The following TBC1D14 variants were observed in gnomAD, a reference collection of about 807,000 sequenced individuals.
The protein encoded by TBC1D14 is TBC1 domain family member 14, also known as TBC1 domain family, member 14.
A neutral mutation model predicts 79.0 loss-of-function variants in TBC1D14; 26 were observed. The ratio of observed to expected loss-of-function variants is 0.33; its 90% CI spans 0.24 to 0.46. The LOEUF (loss-of-function observed/expected upper bound fraction) is 0.46. TBC1D14 is among the 20% of genes least tolerant of loss of function. The pLI is 1.00. For missense variants in TBC1D14, 769 were observed against 887.6 expected (o/e 0.87, Z 1.70); for synonymous variants, 394 against 349.9 (o/e 1.13, Z -1.40).
At chr4:6,996,536 A>G (rs1052631523) in intron 5 of TBC1D14, 129 bp downstream of exon 5, 15 of 126,126 alleles carry the variant, frequency 1.2e-4, no homozygotes, top group Admixed American at 2.8e-4. Context: ...GTCTTCCAGT[A>G]AAAAAAAAAA....
At chr4:6,980,373 G>A (rs1259089876) in intron 3 of TBC1D14, among the ~76,000 whole-genome samples, 3 of 152,190 alleles carry the variant, frequency 2.0e-5, no homozygotes, top group Admixed American at 6.5e-5. Flanking sequence ...ACCAAAATTT[G>A]TAGGTTGCAG....
intron 3 of TBC1D14, among the ~76,000 whole-genome samples, chr4:6,987,916 G>A (rs920943551): frequency 1.5e-4 from 23 of 152,208 alleles, no homozygotes; most frequent in African/African-American, 5.3e-4. Context: ...ACTCCTGAGA[G>A]TGCTTCCCAG....
intron 4 of TBC1D14, 112 bp downstream of exon 4, chr4:6,994,414 C>A: frequency 1.1e-6 from 1 of 895,372 alleles, no homozygotes; most frequent in Non-Finnish European, 1.8e-6. Context: ...GAAGAGTAAG[C>A]CAGAATCACT....
At chr4:7,021,242 C>G (rs867305949) in intron 12 of TBC1D14, among the ~76,000 whole-genome samples, 5 of 152,224 alleles carry the variant, frequency 3.3e-5, no homozygotes, top group Admixed American at 3.3e-4. Flanking sequence ...AACAGATACG[C>G]AGCTTTTGTC....
chr4:6,919,572 C>T (rs1385806496), intron 1 of TBC1D14, among the ~76,000 whole-genome samples: 1 of 152,058 alleles, frequency 6.6e-6, no homozygotes, highest in Non-Finnish European at 1.5e-5. Context: ...AATAATCCTC[C>T]TTTACTCACT....
intron 13 of TBC1D14, 104 bp downstream of exon 13, chr4:7,025,366 A>G (rs1577193283): frequency 6.6e-7 from 1 of 1,522,296 alleles, no homozygotes; most frequent in African/African-American, 1.4e-5. Flanking sequence ...AGCCCCTTTG[A>G]TGGAGTCCCT....
At chr4:7,025,868 T>C (rs979695378) in intron 13 of TBC1D14, among the ~76,000 whole-genome samples, 1 of 152,138 alleles carries the variant, frequency 6.6e-6, no homozygotes, top group Non-Finnish European at 1.5e-5. Flanking sequence ...CTGTCCCCAG[T>C]GGGATTGACC....
chr4:6,964,396 G>T (rs890323746), intron 2 of TBC1D14, among the ~76,000 whole-genome samples: 2 of 152,178 alleles, frequency 1.3e-5, no homozygotes, highest in African/African-American at 4.8e-5. Flanking sequence ...GCCTGTCCCG[G>T]ATCCTGGTGC....
At chr4:6,967,057 C>T (rs2109047709) in intron 2 of TBC1D14, among the ~76,000 whole-genome samples, 1 of 152,298 alleles carries the variant, frequency 6.6e-6, no homozygotes, top group South Asian at 2.1e-4. Flanking sequence ...GATCTGCCCA[C>T]CTCGGCCTCC....
chr4:6,968,040 C>T (rs1424008686), intron 3 of TBC1D14, among the ~76,000 whole-genome samples: 2 of 152,230 alleles, frequency 1.3e-5, no homozygotes, highest in African/African-American at 2.4e-5. Context: ...GTAGCTGTGA[C>T]CGTCGCTGCC....
chr4:7,014,661 TC>T lies in TBC1D14; in HGVS notation c.1757+106del, dbSNP rs1489252980. The T allele has an allele frequency of 3.9e-6, 3 of 768,698 alleles. No homozygotes were observed. The South Asian group carries it at 4.6e-5, about 12-fold the overall frequency. The allele number at this position is 768,698 out of a possible 1,614,324, so 47.6% of individuals were successfully genotyped here. A position where few individuals can be genotyped will look rare whatever the true frequency, so the allele number is the denominator to read the frequency against. ...TTCATGGCCCGGCTGAGTCCTCATA[TC>T]CTGCTTTCCAGCCTTCCCTGATGGC... is the stretch of plus-strand genomic sequence containing the variant. On this transcript the variant is annotated intron_variant, in intron 12 of 13. Transcript: ENST00000409757.
At chr4:6,991,028 G>T (rs772218129) in intron 3 of TBC1D14, among the ~76,000 whole-genome samples, 2 of 152,206 alleles carry the variant, frequency 1.3e-5, no homozygotes, top group Non-Finnish European at 2.9e-5. Context: ...GGAGAACCGG[G>T]TCTAGAGCAG....
chr4:6,989,842 CCCA>C (rs1718307828), intron 3 of TBC1D14, among the ~76,000 whole-genome samples: 1 of 152,138 alleles, frequency 6.6e-6, no homozygotes. Context: ...CAGACCACAC[CCCA>C]CAAGTTGGCT....
chr4:7,023,804 G>A lies in TBC1D14; in HGVS notation c.1758-1200G>A, dbSNP rs1462409939. Among the ~76,000 whole-genome samples, 12 of 152,352 alleles carry A rather than the reference G, an allele frequency of 7.9e-5. 1 individual carries two copies. In the South Asian group the frequency reaches 2.5e-3, roughly 32 times the overall value. ...TCCCGGGCATTTCTTGATGCATGGG[G>A]TGTCCTTCCGGAGGGGCTCGCATAG... On this transcript the variant is annotated intron_variant, in intron 12 of 13. Transcript: ENST00000409757.
intron 4 of TBC1D14, among the ~76,000 whole-genome samples, chr4:6,994,878 AAAAG>A (rs1416907142): frequency 6.6e-6 from 1 of 152,072 alleles, no homozygotes; most frequent in Non-Finnish European, 1.5e-5. Context: ...AAAAAAAAAA[AAAAG>A]AAGCAGTGTG....
intron 9 of TBC1D14, chr4:7,007,412 T>G: frequency 1.9e-6 from 1 of 535,254 alleles, no homozygotes; most frequent in Non-Finnish European, 3.0e-6. Context: ...CAGACGTTAA[T>G]CTGGGGATCT....
At chr4:6,926,596 T>C (rs983097804) in intron 2 of TBC1D14, among the ~76,000 whole-genome samples, 1 of 152,194 alleles carries the variant, frequency 6.6e-6, no homozygotes, top group Non-Finnish European at 1.5e-5. Flanking sequence ...AAAAATGACT[T>C]AAAACAAGTG....
At chr4:6,957,230 T>C (rs1448590168) in intron 2 of TBC1D14, among the ~76,000 whole-genome samples, 1 of 152,252 alleles carries the variant, frequency 6.6e-6, no homozygotes, top group Non-Finnish European at 1.5e-5. Context: ...GAGTCCCAGA[T>C]GGGTGACCTT....
At chr4:7,018,933 G>A (rs1048086167) in intron 12 of TBC1D14, among the ~76,000 whole-genome samples, 1 of 152,184 alleles carries the variant, frequency 6.6e-6, no homozygotes, top group Non-Finnish European at 1.5e-5. Flanking sequence ...AAAAGAATCG[G>A]GGACTACATT....
Sources: allele counts gnomAD v4.1 joint callset (sites outside exome capture counted in the v4.1 genomes callset), GRCh38; gene constraint gnomAD v4.1.1; transcripts MANE v1.5; gene names NCBI Gene and HGNC (gene_info 2026-07-23, HGNC 2026-07-21).